Variants in LMF1 observed in about 807,000 individuals in gnomAD.
The protein encoded by LMF1 is transmembrane protein 112.
In LMF1, 68 loss-of-function variants were observed where a neutral mutation model predicts 60.6. The ratio of observed to expected loss-of-function variants is 1.12; its 90% CI spans 0.92 to 1.37. The LOEUF (loss-of-function observed/expected upper bound fraction) is 1.37. Among genes scored for constraint, LMF1 ranks in the 40% most tolerant of loss-of-function variants. The pLI is 0.00. For missense variants in LMF1, 948 were observed against 767.2 expected (o/e 1.24, Z -2.78); for synonymous variants, 418 against 324.7 (o/e 1.29, Z -3.09).
Position 976,046 on chromosome 16 carries a change from G to A in LMF1, c.-135+5099C>T, listed in dbSNP as rs904942301. The stretch of plus-strand genomic sequence containing the variant: ...TCATGAACTCTGAAGGTTGAGCTTG[G>A]AAGGACGGACACAGGTCTTGGCAGC... On this transcript the variant is annotated intron_variant, in intron 1 of 6. Coordinates refer to the LMF1 transcript ENST00000570014. 8 of 323,670 alleles carry A rather than the reference G, an allele frequency of 2.5e-5. No individual in the cohort carries two copies. The African/African-American group carries it at 5.1e-4, about 21-fold the overall frequency. 20.0% of individuals were successfully genotyped at this position (323,670 alleles called of 1,614,324 possible).
At chr16:956,813 C>T (rs1408707623) in intron 1 of LMF1, among the ~76,000 whole-genome samples, 4 of 138,650 alleles carry the variant, frequency 2.9e-5, no homozygotes, top group Non-Finnish European at 6.1e-5. Flanking sequence ...CACTGCACTC[C>T]AGCCTGGACG....
intron 4 of LMF1, among the ~76,000 whole-genome samples, chr16:896,388 G>A (rs939514524): frequency 6.6e-6 from 1 of 152,230 alleles, no homozygotes; most frequent in African/African-American, 2.4e-5. Context: ...CATGCCCTGT[G>A]CCCCCAACGA....
chr16:943,726 CAAA>C (rs3057499), intron 2 of LMF1, among the ~76,000 whole-genome samples: 2 of 56,814 alleles, frequency 3.5e-5, no homozygotes, highest in Admixed American at 2.2e-4. Flanking sequence ...GACTCTGTCT[CAAA>C]AAAAAAAAAA....
rs147688306 is a variant in LMF1 at position 954,558 on chromosome 16, C to G, written c.302G>C (p.Arg101Thr). The G allele has an allele frequency of 8.3e-4, 1,346 of 1,613,356 alleles. 8 individuals are homozygous for G. The African/African-American group carries it at 0.015, about 18-fold the overall frequency. Residue 101 changes from arginine to threonine, a missense_variant, in exon 2 of 11, where the codon AGG becomes ACG. Transcript: ENST00000262301. ...GTAGCTGAAGACTTCCCAGCTCGTC[C>G]TGTCCTGGAAGTACTGCTGGAAGTT... ...LKNFQQYFQDRTSWEVFSYMP... is the reference protein window; with the variant it reads ...LKNFQQYFQDTTSWEVFSYMP...
intron 10 of LMF1, among the ~76,000 whole-genome samples, chr16:864,302 A>G (rs539266818): frequency 1.3e-5 from 2 of 152,364 alleles, no homozygotes; most frequent in African/African-American, 2.4e-5. Context: ...CAACCTGCCT[A>G]TACAGAGGGT....
chr16:865,370 A>AGAT (rs1043509906), intron 10 of LMF1, among the ~76,000 whole-genome samples: 3 of 152,044 alleles, frequency 2.0e-5, no homozygotes, highest in African/African-American at 7.2e-5. Context: ...TTTTCTTTTG[A>AGAT]GATTGAGTCT....
At chr16:856,508 G>A (rs2069188285) in intron 10 of LMF1, among the ~76,000 whole-genome samples, 1 of 152,206 alleles carries the variant, frequency 6.6e-6, no homozygotes, top group Non-Finnish European at 1.5e-5. Context: ...CGGGAGGGTG[G>A]GGATCCTGGG....
intron 3 of LMF1, chr16:921,009 G>C (rs1280582835): frequency 6.6e-6 from 1 of 152,384 alleles, no homozygotes; most frequent in Non-Finnish European, 1.5e-5. Flanking sequence ...ACGTGGCCCA[G>C]AGCAGGCTCG....
At chr16:972,982 G>A (rs1242773786), upstream of LMF1, among the ~76,000 whole-genome samples, 1 of 152,198 alleles carries the variant, frequency 6.6e-6, no homozygotes, top group East Asian at 1.9e-4. Context: ...GCCGGGGAGA[G>A]GTGGACCAGC....
chr16:867,347 T>C (rs963302241), intron 10 of LMF1, among the ~76,000 whole-genome samples: 11 of 152,334 alleles, frequency 7.2e-5, no homozygotes, highest in Admixed American at 6.5e-4. Flanking sequence ...ATGATCCGAC[T>C]GTGTGCTTGG....
At chr16:885,598 C>A (rs1246953204) in intron 5 of LMF1, among the ~76,000 whole-genome samples, 5 of 152,202 alleles carry the variant, frequency 3.3e-5, no homozygotes, top group Non-Finnish European at 7.3e-5. Context: ...CACCGTCACA[C>A]CAGACAAAGC....
chr16:954,747 G>T (rs370458076), intron 1 of LMF1, 81 bp from the exon 2 acceptor site: 1 of 1,336,840 alleles, frequency 7.5e-7, no homozygotes, highest in South Asian at 1.4e-5. Context: ...AGAATGCGGG[G>T]CGAGGCAGGC....
At chr16:900,729 G>GTGTGTGTGTGTGTT (rs59956645) in intron 4 of LMF1, 8 of 79,374 alleles carry the variant, frequency 1.0e-4, no homozygotes, top group African/African-American at 3.6e-4. Context: ...GTGTGTGTGT[G>GTGTGTGTGTGTGTT]TGTTTTAGTA....
At chr16:928,664 C>G (rs2071680054) in intron 3 of LMF1, among the ~76,000 whole-genome samples, 1 of 151,984 alleles carries the variant, frequency 6.6e-6, no homozygotes, top group Non-Finnish European at 1.5e-5. Context: ...CAGCCCGGTT[C>G]CCTGCACGAG....
At chr16:865,988 C>G (rs192066380) in intron 10 of LMF1, among the ~76,000 whole-genome samples, 10 of 152,214 alleles carry the variant, frequency 6.6e-5, no homozygotes, top group Admixed American at 6.5e-4. Context: ...TTTAAAAAAC[C>G]GATTTCTTTG....
chr16:871,600 C>T (rs2069795812), intron 6 of LMF1: 1 of 504,436 alleles, frequency 2.0e-6, no homozygotes, highest in African/African-American at 1.9e-5. Flanking sequence ...GGTTCTGTCC[C>T]TTGCTTTAGT....
chr16:869,770 C>G, intron 9 of LMF1, 113 bp downstream of exon 9: 1 of 1,135,292 alleles, frequency 8.8e-7, no homozygotes, highest in South Asian at 1.5e-5. Context: ...CCATCTCTCC[C>G]AGCCTCCCTC....
intron 9 of LMF1, chr16:869,608 A>G (rs1266743015): frequency 3.1e-6 from 2 of 654,414 alleles, no homozygotes; most frequent in Non-Finnish European, 5.7e-6. Flanking sequence ...TCGTAGATAC[A>G]GGGTCTCGCT....
chr16:963,956 G>T (rs75479050), intron 1 of LMF1: 11,519 of 435,126 alleles, frequency 0.026, 587 homozygotes, highest in Admixed American at 0.11. Context: ...TAACCAAGCA[G>T]TCAAGCTTCG....
Sources: allele counts gnomAD v4.1 joint callset (sites outside exome capture counted in the v4.1 genomes callset), GRCh38; gene constraint gnomAD v4.1.1; transcripts MANE v1.5; gene names NCBI Gene and HGNC (gene_info 2026-07-23, HGNC 2026-07-21).